Variants in PIGQ observed in about 807,000 individuals in gnomAD.
PIGQ encodes phosphatidylinositol glycan anchor biosynthesis class Q, also known as phosphatidylinositol N-acetylglucosaminyltransferase subunit Q.
PIGQ carries 54 observed loss-of-function variants against 60.3 expected under a neutral mutation model. That is an observed-to-expected ratio of 0.90 (90% CI 0.72 to 1.12). The LOEUF is 1.12. Among genes scored for constraint, PIGQ ranks in the 50% most tolerant of loss-of-function variants. The pLI is 0.00. For missense variants in PIGQ, 799 were observed against 793.5 expected (o/e 1.01, Z -0.08); for synonymous variants, 416 against 363.7 (o/e 1.14, Z -1.64).
intron 7 of PIGQ, 46 bp from the exon 8 acceptor site, chr16:580,137 G>T: frequency 6.6e-7 from 1 of 1,504,548 alleles, no homozygotes. Context: ...GCCGTCCCTG[G>T]GCGCGGGGTC....
chr16:576,757 C>T (rs963483106), intron 4 of PIGQ: 1 of 396,778 alleles, frequency 2.5e-6, no homozygotes, highest in African/African-American at 2.1e-5. Flanking sequence ...CCTGCATGGT[C>T]TGTGCCCCGT....
chr16:581,920 C>A, intron 9 of PIGQ: 2 of 372,920 alleles, frequency 5.4e-6, no homozygotes, highest in South Asian at 4.5e-5. Flanking sequence ...CACGCCATCA[C>A]ACCCGGCTAA....
In PIGQ at chr16:582,072, C is replaced by T. The variant is rs1249408876; in HGVS notation, c.1532-176C>T. 3.5e-5 allele frequency: 24 copies of T among 682,596 alleles called. No homozygotes were observed. In the Admixed American group the frequency reaches 4.1e-4, roughly 12 times the overall value. 42.3% of individuals were successfully genotyped at this position (682,596 alleles called of 1,614,324 possible). A position where few individuals can be genotyped will look rare whatever the true frequency, so the allele number is the denominator to read the frequency against. On this transcript the variant is annotated intron_variant, in intron 9 of 10. Transcript: ENST00000321878. ...TGCCTGGCTGCAGGAGGCTTTGATGCCGGCCTGGCAGCCAGCTCCAGGAGT... is the reference window on the plus strand; with the variant it reads ...TGCCTGGCTGCAGGAGGCTTTGATGTCGGCCTGGCAGCCAGCTCCAGGAGT...
intron 10 of PIGQ, chr16:582,582 T>C: frequency 1.8e-6 from 1 of 566,606 alleles, no homozygotes; most frequent in Non-Finnish European, 3.1e-6. Flanking sequence ...CCCACAGGGC[T>C]CAAGTTCTGG....
At chr16:575,707 GCC>G (rs1209339542) in intron 2 of PIGQ, 130 bp from the exon 3 acceptor site, 15 of 944,564 alleles carry the variant, frequency 1.6e-5, no homozygotes, top group Non-Finnish European at 2.4e-5. Context: ...GCCACCGAGG[GCC>G]CCTCCCACCT....
In PIGQ at chr16:574,569, C is replaced by T; in HGVS notation, c.495C>T (p.Val165=). 1 of 1,603,622 alleles carries T rather than the reference C, an allele frequency of 6.2e-7. No homozygotes were observed. The highest frequency in any genetic ancestry group is 8.5e-7 in the Non-Finnish European group (1 of 1,175,822). The change falls in exon 2 of 11, where the codon GTC becomes GTT. Residue 165 remains valine, a synonymous_variant. Transcript: ENST00000321878. ...CCAGCACGGGGGGCCTGGCTGCCGTCTTCGACACGGTAGCACGCAGTGAGG... is the reference window on the plus strand; with the variant it reads ...CCAGCACGGGGGGCCTGGCTGCCGTTTTCGACACGGTAGCACGCAGTGAGG... ...TTASTGGLAA[V]FDTVARSEVL... is the part of the protein sequence containing the mutation.
At chr16:573,902 C>T (rs2035671901) in intron 1 of PIGQ, among the ~76,000 whole-genome samples, 164 bp from the exon 2 acceptor site, 1 of 152,170 alleles carries the variant, frequency 6.6e-6, no homozygotes, top group Non-Finnish European at 1.5e-5. Flanking sequence ...CCACGCGAGG[C>T]GGCAGCCAAG....
At chr16:573,652 C>G (rs1244593564) in intron 1 of PIGQ, among the ~76,000 whole-genome samples, 1 of 152,210 alleles carries the variant, frequency 6.6e-6, no homozygotes, top group Non-Finnish European at 1.5e-5. Context: ...CAGTTCTCCT[C>G]GTGCTACACC....
intron 4 of PIGQ, among the ~76,000 whole-genome samples, chr16:577,669 A>T (rs1363344241): frequency 6.6e-6 from 1 of 152,140 alleles, no homozygotes; most frequent in Non-Finnish European, 1.5e-5. Flanking sequence ...GGCCTGCGCA[A>T]TGGGCAAGTG....
chr16:575,194 G>A (rs1287470697), intron 2 of PIGQ, among the ~76,000 whole-genome samples: 1 of 152,200 alleles, frequency 6.6e-6, no homozygotes, highest in East Asian at 1.9e-4. Context: ...CTGTGGGGGT[G>A]TCATCCACTT....
intron 1 of PIGQ, among the ~76,000 whole-genome samples, chr16:573,509 C>A (rs1017380993): frequency 6.6e-6 from 1 of 152,190 alleles, no homozygotes; most frequent in African/African-American, 2.4e-5. Context: ...TGGGGGGCTG[C>A]CCGCCGTGCG....
rs1410264724 is a variant in PIGQ, at chr16:574,541, C to G, written c.467C>G (p.Thr156Ser). The G allele has an allele frequency of 6.2e-7, 1 of 1,605,908 alleles. No individual in the cohort carries two copies. Among genetic ancestry groups the G allele is most frequent in the Admixed American group, 1.7e-5 (1 of 59,360 alleles). Residue 156 changes from threonine to serine, a missense_variant, in exon 2 of 11, where the codon ACT becomes AGT. Coordinates refer to ENST00000321878, the MANE Select transcript of PIGQ (RefSeq NM_004204.5). ...CCCGACCGCCAGGCTGGAGCCACCA[C>G]TGCCAGCACGGGGGGCCTGGCTGCC... ...VLPDRQAGAT[T>S]ASTGGLAAVF...
chr16:582,384 T>C (rs1297819441), intron 10 of PIGQ, 75 bp downstream of exon 10: 6 of 1,127,830 alleles, frequency 5.3e-6, no homozygotes, highest in Non-Finnish European at 7.6e-6. Flanking sequence ...CTGGGTGTAG[T>C]GTCTGGGTGG....
rs7192508 is a variant in PIGQ at position 580,367 on chromosome 16, C to T, written c.1416+104C>T. ...CTGTGGGGCGGGCTGTCTCCTGCTGCAGGCCACGTGGGTGGCCTTTCAGGA... is the reference window on the plus strand; with the variant it reads ...CTGTGGGGCGGGCTGTCTCCTGCTGTAGGCCACGTGGGTGGCCTTTCAGGA... On this transcript the variant is annotated intron_variant, in intron 8 of 10. Coordinates refer to ENST00000321878, the MANE Select transcript of PIGQ (RefSeq NM_004204.5). 0.46 allele frequency: 401,131 copies of T among 868,666 alleles called. 96,366 individuals carry two copies. Among genetic ancestry groups the T allele is most frequent in the East Asian group, 0.67 (27,186 of 40,716 alleles). 53.8% of individuals were successfully genotyped at this position (868,666 alleles called of 1,614,324 possible).
chr16:578,718 G>A, intron 5 of PIGQ, 67 bp from the exon 6 acceptor site: 1 of 1,552,572 alleles, frequency 6.4e-7, no homozygotes. Flanking sequence ...TCCTGTGTGT[G>A]TGAGGGTTGT....
In PIGQ at chr16:583,934, C is replaced by T. The variant is rs73483579; in HGVS notation, c.*899C>T. The T allele has an allele frequency of 0.018, 8,449 of 461,526 alleles. 606 individuals are homozygous for T. The highest frequency in any genetic ancestry group is 0.15 in the African/African-American group (7,558 of 50,600). The allele number at this position is 461,526 out of a possible 1,614,324, so 28.6% of individuals were successfully genotyped here. Reference sequence around the variant, plus strand: ...TGGGTGCGGGTGTTCCCTGTGAGCCCGAGTCCGCTTCAGGAGGGGAGCCTG... The same window carrying T: ...TGGGTGCGGGTGTTCCCTGTGAGCCTGAGTCCGCTTCAGGAGGGGAGCCTG... On this transcript the variant is annotated 3_prime_UTR_variant, in exon 11 of 11. Coordinates refer to ENST00000321878, the MANE Select transcript of PIGQ (RefSeq NM_004204.5).
intron 1 of PIGQ, chr16:572,455 C>T (rs2035648244): frequency 4.2e-5 from 19 of 452,974 alleles, no homozygotes; most frequent in South Asian, 3.0e-4. Context: ...GCCTCTTAAG[C>T]CCCAGGCATT....
intron 1 of PIGQ, among the ~76,000 whole-genome samples, chr16:571,512 GTGTGTGTGTCTGGCTAGCCTGGCGCC>G (rs1466523571): frequency 3.0e-4 from 40 of 134,414 alleles, no homozygotes; most frequent in South Asian, 4.9e-4. Flanking sequence ...GTGTGTGTGT[GTGTGTGTGTCTGGCTAGCCTGGCGCC>G]TGTGTGTGTG....
intron 7 of PIGQ, chr16:579,423 A>T (rs1344207037): frequency 1.9e-6 from 1 of 522,722 alleles, no homozygotes; most frequent in East Asian, 3.5e-5. Context: ...GTGCAGGCAC[A>T]GGCCCTAGAG....
Sources: gnomAD v4.1 joint callset for allele counts (sites outside exome capture counted in the v4.1 genomes callset) on GRCh38, gnomAD v4.1.1 for gene constraint, MANE v1.5 for transcripts, NCBI Gene and HGNC (gene_info 2026-07-23, HGNC 2026-07-21) for gene names.